The following VPS41 variants were observed in gnomAD, a reference collection of about 807,000 sequenced individuals.
VPS41 encodes vacuolar protein sorting-associated protein 41 homolog.
A neutral mutation model predicts 130.9 loss-of-function variants in VPS41; 85 were observed. That is an observed-to-expected ratio of 0.65 (90% CI 0.55 to 0.78). The LOEUF (loss-of-function observed/expected upper bound fraction) is 0.78, where lower values mean the gene tolerates loss of function less well. Ranked by LOEUF, VPS41 falls within the 30% of genes least tolerant of loss-of-function variation. The pLI is 0.00. For missense variants in VPS41, 874 were observed against 1,018.7 expected (o/e 0.86, Z 1.93); for synonymous variants, 335 against 332.9 (o/e 1.01, Z -0.07).
intron 1 of VPS41, among the ~76,000 whole-genome samples, chr7:38,906,530 G>T (rs1787268356): frequency 6.6e-6 from 1 of 152,028 alleles, no homozygotes; most frequent in South Asian, 2.1e-4. Context: ...GTAGAGATAG[G>T]GTTTTGCTAT....
At chr7:38,821,415 C>A in intron 5 of VPS41, 150 bp from the exon 6 acceptor site, 1 of 605,542 alleles carries the variant, frequency 1.7e-6, no homozygotes, top group South Asian at 2.2e-5. Flanking sequence ...TGAAAACAAT[C>A]CCATCAGCCA....
chr7:38,741,846 T>C, intron 25 of VPS41, 139 bp downstream of exon 25: 1 of 955,996 alleles, frequency 1.0e-6, no homozygotes, highest in Non-Finnish European at 1.5e-6. Context: ...TGAACAGTTT[T>C]CTAAATATCT....
Position 38,745,552 on chromosome 7 carries a change from T to C in VPS41, c.1981+7A>G, listed in dbSNP as rs764860239. The C allele has an allele frequency of 1.2e-6, 2 of 1,608,640 alleles. No homozygotes were observed. The highest frequency in any genetic ancestry group is 1.7e-5 in the Admixed American group (1 of 59,562). On this transcript the variant is annotated splice_region_variant and intron_variant, in intron 23 of 28. Coordinates refer to ENST00000310301, the MANE Select transcript of VPS41 (RefSeq NM_014396.4). ...TATGGGGACCAAAATGAATAAAAGC[T>C]ACTTACTCAGAAGATAAACTGTCTC...
chr7:38,745,215 T>C (rs1375662992), intron 23 of VPS41, among the ~76,000 whole-genome samples: 1 of 152,228 alleles, frequency 6.6e-6, no homozygotes, highest in Non-Finnish European at 1.5e-5. Flanking sequence ...AAAGTGATTA[T>C]TTATTTTCTA....
At chr7:38,880,275 C>A (rs764440189) in intron 2 of VPS41, among the ~76,000 whole-genome samples, 13 of 152,184 alleles carry the variant, frequency 8.5e-5, no homozygotes, top group Non-Finnish European at 1.8e-4. Flanking sequence ...TAAAACCAAA[C>A]AGTAACACTT....
chr7:38,758,514 T>C (rs201033635), intron 17 of VPS41, 33 bp from the exon 18 acceptor site: 1 of 1,595,678 alleles, frequency 6.3e-7, no homozygotes, highest in Admixed American at 1.8e-5. Flanking sequence ...AAAAGAACAC[T>C]CATTCAACAG....
At chr7:38,832,473 C>T (rs1785410594) in intron 4 of VPS41, among the ~76,000 whole-genome samples, 1 of 151,870 alleles carries the variant, frequency 6.6e-6, no homozygotes, top group African/African-American at 2.4e-5. Context: ...CACGTGCCAC[C>T]ACGTCCAGCT....
At chr7:38,813,731 G>A (rs748019532) in intron 7 of VPS41, among the ~76,000 whole-genome samples, 1 of 152,030 alleles carries the variant, frequency 6.6e-6, no homozygotes, top group Non-Finnish European at 1.5e-5. Flanking sequence ...AGTCCCAAAT[G>A]TCTAAGTTAA....
chr7:38,905,569 G>C (rs1787241484), intron 1 of VPS41, among the ~76,000 whole-genome samples: 1 of 152,124 alleles, frequency 6.6e-6, no homozygotes. Flanking sequence ...CAATAACTCA[G>C]TGCAGATGTC....
intron 17 of VPS41, among the ~76,000 whole-genome samples, chr7:38,759,843 A>G (rs570884073): frequency 1.3e-5 from 2 of 152,244 alleles, no homozygotes; most frequent in East Asian, 3.9e-4. Flanking sequence ...CTGGTTATGC[A>G]GTTGTGCACT....
At chr7:38,857,304 A>G (rs1321998721) in intron 4 of VPS41, among the ~76,000 whole-genome samples, 4 of 152,168 alleles carry the variant, frequency 2.6e-5, no homozygotes, top group Non-Finnish European at 2.9e-5. Flanking sequence ...GTAATCATCC[A>G]TTTTATAAAT....
chr7:38,734,413 T>C (rs1192780910), intron 25 of VPS41, among the ~76,000 whole-genome samples: 1 of 152,212 alleles, frequency 6.6e-6, no homozygotes, highest in Non-Finnish European at 1.5e-5. Context: ...CATTTTGAAG[T>C]CAACCAGCTA....
At chr7:38,753,465 G>A (rs1256707177) in intron 21 of VPS41, among the ~76,000 whole-genome samples, 3 of 152,056 alleles carry the variant, frequency 2.0e-5, no homozygotes, top group African/African-American at 4.8e-5. Context: ...TGGCACTGGG[G>A]TCAGTGTGTT....
chr7:38,741,954 G>C (rs1156478527), intron 25 of VPS41, 31 bp downstream of exon 25: 8 of 1,610,816 alleles, frequency 5.0e-6, no homozygotes, highest in Non-Finnish European at 6.8e-6. Context: ...AACTAATTCA[G>C]ATGCTCATTT....
At chr7:38,856,026 G>A (rs1305971239) in intron 4 of VPS41, among the ~76,000 whole-genome samples, 2 of 152,118 alleles carry the variant, frequency 1.3e-5, no homozygotes, top group Admixed American at 1.3e-4. Flanking sequence ...TTTGCAGACA[G>A]CCTTCCCGCT....
intron 4 of VPS41, among the ~76,000 whole-genome samples, chr7:38,844,385 C>A (rs1298253596): frequency 6.6e-6 from 1 of 152,216 alleles, no homozygotes; most frequent in Non-Finnish European, 1.5e-5. Flanking sequence ...TAACTTCTAA[C>A]ATAGACTGAA....
chr7:38,839,216 T>A (rs1000486635), intron 4 of VPS41, among the ~76,000 whole-genome samples: 1 of 152,160 alleles, frequency 6.6e-6, no homozygotes, highest in African/African-American at 2.4e-5. Flanking sequence ...CGTCTGTTCT[T>A]TCATACTTGG....
intron 7 of VPS41, among the ~76,000 whole-genome samples, chr7:38,809,260 G>A (rs1056560001): frequency 5.3e-5 from 8 of 150,754 alleles, no homozygotes; most frequent in East Asian, 1.9e-4. Context: ...CGAGGCAGGC[G>A]GATCACGAGG....
At chr7:38,784,400 G>A (rs535987581) in intron 10 of VPS41, among the ~76,000 whole-genome samples, 1 of 152,286 alleles carries the variant, frequency 6.6e-6, no homozygotes, top group South Asian at 2.1e-4. Flanking sequence ...CATGTTGGGA[G>A]GCCAAGGTGG....
Sources: gnomAD v4.1 joint callset for allele counts (sites outside exome capture counted in the v4.1 genomes callset) on GRCh38, gnomAD v4.1.1 for gene constraint, MANE v1.5 for transcripts, NCBI Gene and HGNC (gene_info 2026-07-23, HGNC 2026-07-21) for gene names.